Variants in XKR4 observed in about 807,000 individuals in gnomAD.
XKR4 encodes the protein XK related 4.
In XKR4, 12 loss-of-function variants were observed where a neutral mutation model predicts 53.9. That is an observed-to-expected ratio of 0.22 (90% CI 0.14 to 0.36). The LOEUF (loss-of-function observed/expected upper bound fraction) is 0.36, where lower values mean the gene tolerates loss of function less well. XKR4 is among the 10% of genes least tolerant of loss of function. The pLI, the probability that XKR4 is intolerant of heterozygous loss-of-function variation, is 1.00. For missense variants in XKR4, 799 were observed against 859.5 expected, an observed-to-expected ratio of 0.93 and a Z score of 0.88; for synonymous variants, 354 against 362.4, an observed-to-expected ratio of 0.98 and a Z score of 0.26.
chr8:55,387,703 A>C (rs1039073291), intron 2 of XKR4, among the ~76,000 whole-genome samples: 9 of 152,172 alleles, frequency 5.9e-5, no homozygotes, highest in Non-Finnish European at 1.0e-4. Context: ...TGCTACTACA[A>C]GTGGGAGACT....
At chr8:55,506,048 T>C (rs969839843) in intron 2 of XKR4, among the ~76,000 whole-genome samples, 3 of 152,244 alleles carry the variant, frequency 2.0e-5, no homozygotes, top group African/African-American at 7.2e-5. Flanking sequence ...AACTTCTAAC[T>C]GGCAGTAGCC....
At chr8:55,413,837 C>G (rs1238108580) in intron 2 of XKR4, among the ~76,000 whole-genome samples, 1 of 152,150 alleles carries the variant, frequency 6.6e-6, no homozygotes, top group Non-Finnish European at 1.5e-5. Flanking sequence ...GTAACCATAA[C>G]AAAGTAGTAA....
intron 1 of XKR4, chr8:55,135,638 C>A (rs1563465204): frequency 2.2e-6 from 1 of 456,164 alleles, no homozygotes; most frequent in East Asian, 7.0e-5. Flanking sequence ...CAGATGGCTC[C>A]CTGGATAGAG....
chr8:55,382,426 A>G (rs2622550), intron 2 of XKR4, among the ~76,000 whole-genome samples: 103,486 of 152,124 alleles, frequency 0.68, 36,229 homozygotes, highest in African/African-American at 0.85. Context: ...GAATTACTGA[A>G]GGGTGATAAA....
intron 1 of XKR4, among the ~76,000 whole-genome samples, chr8:55,171,027 G>T (rs1016727952): frequency 6.6e-6 from 1 of 152,040 alleles, no homozygotes; most frequent in African/African-American, 2.4e-5. Flanking sequence ...ATACCTTCTG[G>T]AAATTAATAT....
chr8:55,188,780 C>T (rs1385396140), intron 1 of XKR4, among the ~76,000 whole-genome samples: 1 of 152,182 alleles, frequency 6.6e-6, no homozygotes, highest in Non-Finnish European at 1.5e-5. Flanking sequence ...CTTAACCCTG[C>T]TAAGCCTCAG....
chr8:55,504,167 C>CT (rs76369153), intron 2 of XKR4, among the ~76,000 whole-genome samples: 4 of 149,444 alleles, frequency 2.7e-5, no homozygotes, highest in Non-Finnish European at 4.5e-5. Context: ...TTGTAGTTTT[C>CT]TTTTTTGTTG....
chr8:55,470,739 T>C (rs1805867429), intron 2 of XKR4, among the ~76,000 whole-genome samples: 2 of 152,176 alleles, frequency 1.3e-5, no homozygotes, highest in South Asian at 4.1e-4. Context: ...TGAGTATGTG[T>C]CAGCTTCTCA....
intron 1 of XKR4, among the ~76,000 whole-genome samples, chr8:55,307,599 A>T (rs960325922): frequency 6.6e-6 from 1 of 152,068 alleles, no homozygotes; most frequent in African/African-American, 2.4e-5. Flanking sequence ...GGCTGTAGTG[A>T]GCTGTGATTG....
chr8:55,127,302 G>T (rs1287367441), intron 1 of XKR4, among the ~76,000 whole-genome samples: 2 of 151,134 alleles, frequency 1.3e-5, no homozygotes, highest in Non-Finnish European at 2.9e-5. Context: ...GGCCAGACTG[G>T]AGTGCAGTGG....
Position 55,197,952 on chromosome 8 carries a change from T to C in XKR4, c.806+94658T>C, listed in dbSNP as rs545417689. ...CCTAATTGTATGTTGGGCCTGAGAA[T>C]TGTGGTACCATAAATAAATAAATAA... is the stretch of plus-strand genomic sequence containing the variant. On this transcript the variant is annotated intron_variant, in intron 1 of 2. Coordinates refer to ENST00000327381, the MANE Select transcript of XKR4 (RefSeq NM_052898.2). Among the ~76,000 whole-genome samples, 25 of 152,308 alleles carry C rather than the reference T, an allele frequency of 1.6e-4. No homozygotes were observed. The East Asian group carries it at 3.3e-3, about 20-fold the overall frequency.
intron 2 of XKR4, chr8:55,450,414 T>C: frequency 1.7e-6 from 1 of 577,454 alleles, no homozygotes. Flanking sequence ...GGAACATGGC[T>C]GTCCTCTTGC....
chr8:55,372,487 G>A (rs950458907), intron 2 of XKR4, among the ~76,000 whole-genome samples: 7 of 151,856 alleles, frequency 4.6e-5, no homozygotes, highest in Non-Finnish European at 7.4e-5. Context: ...AAGGAAAGAC[G>A]GGTAAGGTCA....
chr8:55,287,808 T>A (rs924971956), intron 1 of XKR4, among the ~76,000 whole-genome samples: 2 of 152,234 alleles, frequency 1.3e-5, no homozygotes, highest in African/African-American at 4.8e-5. Flanking sequence ...AAGATAAGTA[T>A]GTTGTTTGCT....
At chr8:55,190,878 G>C (rs1357858329) in intron 1 of XKR4, among the ~76,000 whole-genome samples, 1 of 152,166 alleles carries the variant, frequency 6.6e-6, no homozygotes, top group African/African-American at 2.4e-5. Flanking sequence ...TGTGTTTTCA[G>C]TCTTTGAAAC....
chr8:55,222,543 T>C (rs1173437408), intron 1 of XKR4, among the ~76,000 whole-genome samples: 1 of 152,240 alleles, frequency 6.6e-6, no homozygotes, highest in Non-Finnish European at 1.5e-5. Flanking sequence ...TTACTATGAT[T>C]CTTTGTTAAT....
chr8:55,402,032 G>A (rs1329773838), intron 2 of XKR4, among the ~76,000 whole-genome samples: 3 of 152,136 alleles, frequency 2.0e-5, no homozygotes, highest in South Asian at 2.1e-4. Context: ...TCTTTTTCAC[G>A]TCTGGCTAAT....
rs140961580 is a variant in XKR4 at position 55,195,176 on chromosome 8, A to G, written c.806+91882A>G. Reference sequence around the variant, plus strand: ...CGACAAGTCCATGAACTAACTGGAAAAAAAGCAGTATCTATCTCATATTAG... The same window carrying G: ...CGACAAGTCCATGAACTAACTGGAAGAAAAGCAGTATCTATCTCATATTAG... On this transcript the variant is annotated intron_variant, in intron 1 of 2. Transcript: ENST00000327381. Among the ~76,000 whole-genome samples, 352 of 144,894 alleles carry G rather than the reference A, an allele frequency of 2.4e-3. 42 individuals are homozygous for G. Among genetic ancestry groups the G allele is most frequent in the African/African-American group, 8.2e-3 (331 of 40,208 alleles).
chr8:55,452,389 T>A, intron 2 of XKR4: 1 of 629,408 alleles, frequency 1.6e-6, no homozygotes, highest in South Asian at 1.7e-5. Flanking sequence ...ACCCGGTACG[T>A]AGTGAGGAAG....
Sources: gnomAD v4.1 joint callset for allele counts (sites outside exome capture counted in the v4.1 genomes callset) on GRCh38, gnomAD v4.1.1 for gene constraint, MANE v1.5 for transcripts, NCBI Gene and HGNC (gene_info 2026-07-23, HGNC 2026-07-21) for gene names.